CLMP: variants seen among roughly 807,000 people sequenced by gnomAD.
CLMP encodes CXADR-like membrane protein.
A neutral mutation model predicts 45.2 loss-of-function variants in CLMP; 27 were observed. That is an observed-to-expected ratio of 0.60 (90% confidence interval 0.44 to 0.82). The LOEUF (loss-of-function observed/expected upper bound fraction) is 0.82, where lower values mean the gene tolerates loss of function less well. Ranked by LOEUF, CLMP falls within the 40% of genes least tolerant of loss-of-function variation. The probability of loss-of-function intolerance (pLI) is 0.00; values close to 1 mark genes in which losing one functional copy is unlikely to be tolerated. For synonymous variants in CLMP, 167 were observed against 171.4 expected (o/e 0.97, Z 0.20); for missense variants, 403 against 448.4 (o/e 0.90, Z 0.91).
intron 1 of CLMP, among the ~76,000 whole-genome samples, chr11:123,150,475 GA>G (rs879276665): frequency 7.1e-4 from 74 of 104,080 alleles, no homozygotes; most frequent in African/African-American, 9.2e-4. Flanking sequence ...AAGAAAGAAA[GA>G]AAGAAAGGAA....
At chr11:123,150,467 G>GAA (rs1861303401) in intron 1 of CLMP, among the ~76,000 whole-genome samples, 5 of 103,432 alleles carry the variant, frequency 4.8e-5, no homozygotes, top group Admixed American at 1.0e-4. Flanking sequence ...AAGAAAGAAA[G>GAA]AAAGAAAGAA....
At chr11:123,091,644 G>A (rs1245913299) in intron 2 of CLMP, among the ~76,000 whole-genome samples, 2 of 152,164 alleles carry the variant, frequency 1.3e-5, no homozygotes, top group East Asian at 3.9e-4. Context: ...TAGCTTTGAT[G>A]TCTGGGCACC....
intron 1 of CLMP, among the ~76,000 whole-genome samples, chr11:123,156,057 G>A (rs1349526828): frequency 6.6e-6 from 1 of 152,158 alleles, no homozygotes; most frequent in East Asian, 1.9e-4. Flanking sequence ...ATTTGGAGAT[G>A]GGGCCATTAA....
At chr11:123,118,995 T>C (rs373397649) in intron 1 of CLMP, among the ~76,000 whole-genome samples, 192 of 18,326 alleles carry the variant, frequency 0.01, 1 homozygote, top group South Asian at 0.014. Flanking sequence ...CTTTCTTTCT[T>C]TCTTTCTCTC....
intron 5 of CLMP, among the ~76,000 whole-genome samples, chr11:123,082,588 G>A (rs1316357884): frequency 2.0e-5 from 3 of 149,620 alleles, no homozygotes; most frequent in Non-Finnish European, 4.4e-5. Flanking sequence ...GGCATGAGCC[G>A]CCACGCTGGG....
intron 1 of CLMP, among the ~76,000 whole-genome samples, chr11:123,150,462 A>AGAAAGAAG (rs2135524612): frequency 9.4e-6 from 1 of 105,844 alleles, no homozygotes; most frequent in East Asian, 2.8e-4. Context: ...AAAGAAAGAA[A>AGAAAGAAG]GAAAGAAAGA....
intron 5 of CLMP, among the ~76,000 whole-genome samples, chr11:123,078,246 A>G (rs1865762673): frequency 6.6e-6 from 1 of 152,240 alleles, no homozygotes; most frequent in South Asian, 2.1e-4. Context: ...ATAATTGTAT[A>G]GTTATATAAT....
At chr11:123,081,377 G>A (rs1278591677) in intron 5 of CLMP, among the ~76,000 whole-genome samples, 1 of 152,014 alleles carries the variant, frequency 6.6e-6, no homozygotes, top group African/African-American at 2.4e-5. Flanking sequence ...TTATAAGCCT[G>A]GCATACTATT....
intron 1 of CLMP, chr11:123,135,858 C>A (rs1177943292): frequency 1.1e-5 from 5 of 444,154 alleles, no homozygotes; most frequent in Non-Finnish European, 2.3e-5. Context: ...TGTTGAAAGA[C>A]CCCTTATTGC....
intron 1 of CLMP, chr11:123,136,242 C>G: frequency 1.5e-6 from 1 of 650,974 alleles, no homozygotes; most frequent in Non-Finnish European, 3.0e-6. Flanking sequence ...GTAGCTACTG[C>G]GTATTTTTCC....
intron 1 of CLMP, among the ~76,000 whole-genome samples, chr11:123,148,243 C>T (rs1212970528): frequency 2.0e-5 from 3 of 152,206 alleles, no homozygotes; most frequent in Non-Finnish European, 4.4e-5. Context: ...GCTTTCAAAG[C>T]TGGCATTTGG....
At chr11:123,145,525 C>T (rs1183721216) in intron 1 of CLMP, among the ~76,000 whole-genome samples, 2 of 146,800 alleles carry the variant, frequency 1.4e-5, no homozygotes, top group South Asian at 2.1e-4. Flanking sequence ...TGCAGCGGCG[C>T]GATCTGGACT....
chr11:123,106,383 GTGT>G (rs1467366608), intron 1 of CLMP, among the ~76,000 whole-genome samples: 225 of 73,626 alleles, frequency 3.1e-3, no homozygotes, highest in Non-Finnish European at 4.5e-3. Flanking sequence ...TCTGTAGGAG[GTGT>G]GTGTGTGTGT....
chr11:123,175,448 G>A (rs1406225379), intron 1 of CLMP, among the ~76,000 whole-genome samples: 1 of 150,508 alleles, frequency 6.6e-6, no homozygotes, highest in Non-Finnish European at 1.5e-5. Context: ...GGGGATTACG[G>A]GTCCCTCCCT....
intron 1 of CLMP, among the ~76,000 whole-genome samples, chr11:123,188,156 C>T (rs937489732): frequency 6.6e-6 from 1 of 152,170 alleles, no homozygotes; most frequent in African/African-American, 2.4e-5. Context: ...TTTGTACGAT[C>T]GGGGTCTCAG....
intron 1 of CLMP, among the ~76,000 whole-genome samples, chr11:123,125,696 C>A (rs570454474): frequency 2.0e-5 from 3 of 151,240 alleles, no homozygotes; most frequent in Admixed American, 1.3e-4. Context: ...CTCTGCCTCC[C>A]GGGTTCAAGT....
At chr11:123,125,772 T>A (rs1044346643) in intron 1 of CLMP, among the ~76,000 whole-genome samples, 1 of 150,480 alleles carries the variant, frequency 6.6e-6, no homozygotes, top group Non-Finnish European at 1.5e-5. Context: ...CCTGGCTAAT[T>A]TTTTTGTATT....
chr11:123,168,695 C>A (rs111750508), intron 1 of CLMP, among the ~76,000 whole-genome samples: 1 of 152,184 alleles, frequency 6.6e-6, no homozygotes, highest in Admixed American at 6.5e-5. Context: ...TCTTGTCCTG[C>A]CTCATCTCTG....
At chr11:123,101,472 G>A (rs1866059432) in intron 1 of CLMP, among the ~76,000 whole-genome samples, 2 of 152,204 alleles carry the variant, frequency 1.3e-5, no homozygotes, top group African/African-American at 4.8e-5. Context: ...CAGCCAATCT[G>A]TGGGAAGGAA....
Sources: allele counts gnomAD v4.1 joint callset (sites outside exome capture counted in the v4.1 genomes callset), GRCh38; gene constraint gnomAD v4.1.1; transcripts MANE v1.5; gene names NCBI Gene and HGNC (gene_info 2026-07-23, HGNC 2026-07-21).